TUSC3: variants seen among roughly 807,000 people sequenced by gnomAD.
TUSC3 encodes tumor suppressor candidate 3.
In TUSC3, 45 loss-of-function variants were observed where a neutral mutation model predicts 44.8. The observed-to-expected ratio is 1.00, with a 90% confidence interval of 0.79 to 1.29. The LOEUF is 1.29. TUSC3 is among the 50% of genes most tolerant of loss of function. The probability of loss-of-function intolerance (pLI) is 0.00; values close to 1 mark genes in which losing one functional copy is unlikely to be tolerated. For synonymous variants in TUSC3, 212 were observed against 152.9 expected, an observed-to-expected ratio of 1.39 and a Z score of -2.85; for missense variants, 519 against 437.9, an observed-to-expected ratio of 1.19 and a Z score of -1.65.
intron 1 of TUSC3, among the ~76,000 whole-genome samples, chr8:15,450,244 AG>A (rs1448830619): frequency 3.3e-5 from 5 of 152,164 alleles, no homozygotes; most frequent in African/African-American, 1.2e-4. Context: ...TTCTTTTAGA[AG>A]AATCAGGTTT....
intron 6 of TUSC3, chr8:15,689,253 A>G: frequency 2.8e-6 from 1 of 356,534 alleles, no homozygotes; most frequent in East Asian, 8.4e-5. Flanking sequence ...CTGGATGGGA[A>G]TCGATCCACT....
chr8:15,758,381 A>G (rs1585311078), intron 10 of TUSC3: 2 of 341,624 alleles, frequency 5.9e-6, no homozygotes, highest in South Asian at 1.2e-4. Context: ...TCAATTTTAT[A>G]TATATATAAT....
At chr8:15,478,336 T>C (rs889703160) in intron 1 of TUSC3, among the ~76,000 whole-genome samples, 2 of 152,108 alleles carry the variant, frequency 1.3e-5, no homozygotes, top group African/African-American at 4.8e-5. Flanking sequence ...TACATAAGTA[T>C]ACGTGTGCCA....
chr8:15,838,539 C>A, the TUSC3 span, among the ~76,000 whole-genome samples: 148 of 152,128 alleles, frequency 9.7e-4, no homozygotes, highest in Admixed American at 1.6e-3. Flanking sequence ...GGAAGTTGAC[C>A]TTTCAATGGA....
chr8:15,690,814 G>C (rs1310583966), intron 6 of TUSC3, among the ~76,000 whole-genome samples: 1 of 151,774 alleles, frequency 6.6e-6, no homozygotes, highest in African/African-American at 2.4e-5. Context: ...AGTTGTAGGT[G>C]TGCAGCATTA....
At chr8:15,524,214 C>T (rs1025233693) in intron 2 of TUSC3, among the ~76,000 whole-genome samples, 2 of 151,846 alleles carry the variant, frequency 1.3e-5, no homozygotes, top group African/African-American at 4.8e-5. Context: ...CTTAAAAATA[C>T]AAATATTAAA....
At chr8:15,568,779 A>G (rs1802764251) in intron 1 of TUSC3, among the ~76,000 whole-genome samples, 12 of 152,042 alleles carry the variant, frequency 7.9e-5, no homozygotes, top group Admixed American at 7.2e-4. Context: ...TTTTTGTAAA[A>G]AAAAAATGTA....
intron 1 of TUSC3, among the ~76,000 whole-genome samples, chr8:15,619,505 T>C (rs1042198856): frequency 6.6e-6 from 1 of 152,078 alleles, no homozygotes; most frequent in Non-Finnish European, 1.5e-5. Flanking sequence ...ATTTTTTTTT[T>C]TTTCCAGTCG....
intron 1 of TUSC3, among the ~76,000 whole-genome samples, chr8:15,602,961 G>A (rs28692951): frequency 0.014 from 2,086 of 151,606 alleles, 38 homozygotes; most frequent in African/African-American, 0.047. Flanking sequence ...CGATATCAAG[G>A]TAGGGAAGGT....
chr8:15,603,006 A>T (rs1210972775), intron 1 of TUSC3, among the ~76,000 whole-genome samples: 1 of 151,644 alleles, frequency 6.6e-6, no homozygotes, highest in Non-Finnish European at 1.5e-5. Context: ...TACAAGTTAT[A>T]AATAAATGGA....
the TUSC3 span, among the ~76,000 whole-genome samples, chr8:15,846,250 G>T: frequency 6.6e-6 from 1 of 152,132 alleles, no homozygotes; most frequent in African/African-American, 2.4e-5. Flanking sequence ...TAAACACTGA[G>T]ATTCTTGCAT....
intron 6 of TUSC3, among the ~76,000 whole-genome samples, chr8:15,701,033 G>C (rs1341148980): frequency 1.3e-5 from 2 of 151,672 alleles, no homozygotes; most frequent in African/African-American, 4.9e-5. Flanking sequence ...GATGTCCAGG[G>C]TGTTTGGCAG....
intron 2 of TUSC3, among the ~76,000 whole-genome samples, chr8:15,634,948 G>C (rs536086024): frequency 1.9e-4 from 29 of 152,280 alleles, no homozygotes; most frequent in African/African-American, 5.8e-4. Flanking sequence ...GGAGGGCTTA[G>C]TGTGAAGTAC....
chr8:15,540,595 C>A, intron 1 of TUSC3, 27 bp downstream of exon 1: 1 of 1,526,386 alleles, frequency 6.6e-7, no homozygotes, highest in Non-Finnish European at 8.9e-7. Context: ...TGGCCTTCCC[C>A]TGTGGGCGGG....
chr8:15,648,214 T>C (rs1806715140), intron 2 of TUSC3, among the ~76,000 whole-genome samples: 1 of 152,176 alleles, frequency 6.6e-6, no homozygotes, highest in South Asian at 2.1e-4. Flanking sequence ...CTTCTAACAT[T>C]GGTGTTTTAT....
chr8:15,843,621 T>TATATATATATACAC, the TUSC3 span, among the ~76,000 whole-genome samples: 171 of 146,742 alleles, frequency 1.2e-3, 3 homozygotes, highest in African/African-American at 4.4e-3. Context: ...TATATATATA[T>TATATATATATACAC]ACACGCACAT....
the TUSC3 span, among the ~76,000 whole-genome samples, chr8:15,827,340 C>G: frequency 2.0e-5 from 3 of 152,146 alleles, no homozygotes; most frequent in Admixed American, 2.0e-4. Context: ...AAATTATGTT[C>G]TACTGAACAC....
At chr8:15,512,946 ATATATATATAT>A (rs1399928406) in intron 2 of TUSC3, among the ~76,000 whole-genome samples, 1 of 142,748 alleles carries the variant, frequency 7.0e-6, no homozygotes, top group Non-Finnish European at 1.5e-5. Flanking sequence ...ATATATATAT[ATATATATATAT>A]ATGATTCTTT....
the TUSC3 span, among the ~76,000 whole-genome samples, chr8:15,773,415 A>T: frequency 6.6e-6 from 1 of 152,102 alleles, no homozygotes; most frequent in Non-Finnish European, 1.5e-5. Context: ...CCAAGGAACT[A>T]AAAATACAAA....
Sources: gnomAD v4.1 joint callset for allele counts (sites outside exome capture counted in the v4.1 genomes callset) on GRCh38, gnomAD v4.1.1 for gene constraint, MANE v1.5 for transcripts, NCBI Gene and HGNC (gene_info 2026-07-23, HGNC 2026-07-21) for gene names.